ZNF84: variants seen among roughly 807,000 people sequenced by gnomAD.
ZNF84 encodes the protein zinc finger protein 84, also known as zinc finger protein HPF2.
ZNF84 carries 12 observed loss-of-function variants against 14.8 expected under a neutral mutation model. That is an observed-to-expected ratio of 0.81 (90% CI 0.52 to 1.31). The LOEUF is 1.31. Among genes scored for constraint, ZNF84 ranks in the 50% most tolerant of loss-of-function variants. The pLI is 0.00. For synonymous variants in ZNF84, 347 were observed against 291.1 expected (o/e 1.19, Z -1.96); for missense variants, 859 against 878.6 (o/e 0.98, Z 0.28).
intron 4 of ZNF84, among the ~76,000 whole-genome samples, chr12:133,055,581 A>T (rs1341394590): frequency 5.9e-5 from 9 of 152,166 alleles, no homozygotes; most frequent in South Asian, 2.1e-4. Context: ...AGAAATATTT[A>T]AAAAAAGAAT....
In ZNF84 at chr12:133,060,210, T is replaced by C. The variant is rs1273137901; in HGVS notation, c.*1278T>C. On this transcript the variant is annotated 3_prime_UTR_variant, in exon 5 of 5. Coordinates refer to ENST00000539354, the MANE Select transcript of ZNF84 (RefSeq NM_001289971.2). The stretch of plus-strand genomic sequence containing the variant: ...GTATCATGGATATTTTGTGCTGCTG[T>C]TATGCTTTTTGTGTTGCATAAAATA... 1 of 152,210 alleles carries C rather than the reference T, an allele frequency of 6.6e-6. No homozygotes were observed. The highest frequency in any genetic ancestry group is 1.5e-5 in the Non-Finnish European group (1 of 68,032). 9.4% of individuals were successfully genotyped at this position (152,210 alleles called of 1,614,324 possible).
Position 133,058,707 on chromosome 12 carries a change from C to T in ZNF84, c.1992C>T (p.Phe664=). The change falls in exon 5 of 5, where the codon TTC becomes TTT. Residue 664 remains phenylalanine, a synonymous_variant. Transcript: ENST00000539354. The part of the protein sequence containing the change: ...PFECSECGKA[F]SRKSHLIPHQ... The stretch of plus-strand genomic sequence containing the variant: ...AATGCAGTGAGTGTGGCAAAGCTTT[C>T]TCTCGGAAGTCACACCTTATACCAC... 6.2e-7 allele frequency: 1 copy of T among 1,613,728 alleles called. No homozygotes were observed. The highest frequency in any genetic ancestry group is 1.3e-5 in the African/African-American group (1 of 74,946).
At chr12:133,043,446 G>C (rs1953921283) in intron 2 of ZNF84, among the ~76,000 whole-genome samples, 2 of 152,198 alleles carry the variant, frequency 1.3e-5, no homozygotes, top group African/African-American at 4.8e-5. Flanking sequence ...GCCACTTACA[G>C]GTGTGAGCCA....
intron 1 of ZNF84, chr12:133,038,049 C>T (rs2137308822): frequency 6.6e-6 from 1 of 151,992 alleles, no homozygotes; most frequent in African/African-American, 2.4e-5. Context: ...GTGACTTTTG[C>T]TTTTGGTATG....
At chr12:133,037,828 CTCGGGCGCGTTT>C (rs1953812416) in intron 1 of ZNF84, 2 of 152,006 alleles carry the variant, frequency 1.3e-5, no homozygotes, top group Admixed American at 1.3e-4. Flanking sequence ...CGCGTTTAGC[CTCGGGCGCGTTT>C]AGCCTCGACC....
chr12:133,043,926 AT>A (rs61416327), intron 2 of ZNF84, among the ~76,000 whole-genome samples: 7,004 of 124,064 alleles, frequency 0.056, 476 homozygotes, highest in African/African-American at 0.17. Flanking sequence ...TAATTCTTGT[AT>A]TTTTTTTTTT....
In ZNF84 at chr12:133,058,511, A is replaced by G; in HGVS notation, c.1796A>G (p.Tyr599Cys). 6.2e-7 allele frequency: 1 copy of G among 1,614,182 alleles called. No individual in the cohort carries two copies. The highest frequency in any genetic ancestry group is 1.7e-5 in the Admixed American group (1 of 60,022). ...HQRIHTGEKP[Y>C]ECSLCRKAFF... ...AGAATTCACACTGGAGAGAAACCCT[A>G]TGAATGCAGTCTTTGTAGGAAAGCT... Residue 599 changes from tyrosine (Y) to cysteine (C), a missense_variant, in exon 5 of 5, where the codon TAT becomes TGT. Physicochemically the swap from Tyr to Cys is radical, Grantham distance 194. Coordinates refer to ENST00000539354, the MANE Select transcript of ZNF84 (RefSeq NM_001289971.2).
chr12:133,054,346 C>T (rs1403866578), intron 4 of ZNF84, among the ~76,000 whole-genome samples: 13 of 152,100 alleles, frequency 8.5e-5, no homozygotes, highest in Admixed American at 5.2e-4. Context: ...CACAACACTG[C>T]ACTTCAATAT....
chr12:133,056,675 C>CT (rs1954164613), intron 4 of ZNF84, among the ~76,000 whole-genome samples: 1 of 152,114 alleles, frequency 6.6e-6, no homozygotes, highest in African/African-American at 2.4e-5. Context: ...TTCTTCTAAC[C>CT]TTTTTTCTTT....
intron 4 of ZNF84, among the ~76,000 whole-genome samples, chr12:133,054,946 T>A (rs1954128681): frequency 6.6e-6 from 1 of 152,140 alleles, no homozygotes; most frequent in South Asian, 2.1e-4. Flanking sequence ...TTATTAAAAT[T>A]TATTTTTCTG....
chr12:133,044,289 C>T (rs1420307922), intron 2 of ZNF84, among the ~76,000 whole-genome samples: 1 of 151,220 alleles, frequency 6.6e-6, no homozygotes, highest in Non-Finnish European at 1.5e-5. Flanking sequence ...GGACTACAGG[C>T]ACCTACTACT....
chr12:133,037,567 CG>C (rs1278878034), intron 1 of ZNF84, 22 bp downstream of exon 1: 1 of 151,930 alleles, frequency 6.6e-6, no homozygotes, highest in East Asian at 1.9e-4. Context: ...GAGTTTATTG[CG>C]GGCCCGGCGC....
rs796823553 is a variant in ZNF84 at position 133,062,782 on chromosome 12, A to G, written c.*3850A>G. The G allele has an allele frequency of 2.0e-5, 7 of 350,684 alleles. No homozygotes were observed. The highest frequency in any genetic ancestry group is 1.0e-4 in the African/African-American group (5 of 48,886). 21.7% of individuals were successfully genotyped at this position (350,684 alleles called of 1,614,324 possible). On this transcript the variant is annotated 3_prime_UTR_variant, in exon 5 of 5. Coordinates refer to ENST00000539354, the MANE Select transcript of ZNF84 (RefSeq NM_001289971.2). Reference sequence around the variant, plus strand: ...CTTTTGTATAAACCAATGCCTATCTATCTATCATTTCTGAAAACTTTTTCC... The same window carrying G: ...CTTTTGTATAAACCAATGCCTATCTGTCTATCATTTCTGAAAACTTTTTCC...
chr12:133,058,416 A>C lies in ZNF84; in HGVS notation c.1701A>C (p.Gly567=). The C allele has an allele frequency of 6.2e-7, 1 of 1,614,062 alleles. No individual in the cohort carries two copies. Among genetic ancestry groups the C allele is most frequent in the Non-Finnish European group, 8.5e-7 (1 of 1,180,004 alleles). ...CAACTCATCAGAGAACTCATACTGG[A>C]GAAAAACCGTATGAATGCAGGGACT... is the stretch of plus-strand genomic sequence containing the variant. ...SLATHQRTHT[G]EKPYECRDCE... Residue 567 remains glycine, a synonymous_variant, in exon 5 of 5, where the codon GGA becomes GGC. Transcript: ENST00000539354.
rs894507698 is a variant in ZNF84, at chr12:133,059,257, G to C, written c.*325G>C. 1 of 392,420 alleles carries C rather than the reference G, an allele frequency of 2.5e-6. No homozygotes were observed. Among genetic ancestry groups the C allele is most frequent in the African/African-American group, 2.1e-5 (1 of 48,412 alleles). 24.3% of individuals were successfully genotyped at this position (392,420 alleles called of 1,614,324 possible). On this transcript the variant is annotated 3_prime_UTR_variant, in exon 5 of 5. Transcript: ENST00000539354. ...AGAAATATTCCCACTGGGGATGAGG[G>C]AAAACCCCATGAATGCGGGAAATGA...
chr12:133,044,975 A>G, intron 2 of ZNF84, among the ~76,000 whole-genome samples: 1 of 152,124 alleles, frequency 6.6e-6, no homozygotes, highest in Non-Finnish European at 1.5e-5. Flanking sequence ...ATAAGTTTGT[A>G]ATATCTTTTT....
In ZNF84 at chr12:133,048,745, C is replaced by A; in HGVS notation, c.143-8C>A. The stretch of plus-strand genomic sequence containing the variant: ...GGCCCAAGGCCTTTGTGATTTTTCC[C>A]TTAACAGGGTATGAAGTTATGAAAC... On this transcript the variant is annotated splice_polypyrimidine_tract_variant and splice_region_variant and intron_variant, in intron 3 of 4. Coordinates refer to ENST00000539354, the MANE Select transcript of ZNF84 (RefSeq NM_001289971.2). 2 of 1,612,606 alleles carry A rather than the reference C, an allele frequency of 1.2e-6. No individual in the cohort carries two copies. Among genetic ancestry groups the A allele is most frequent in the South Asian group, 2.2e-5 (2 of 90,912 alleles).
chr12:133,038,464 G>C (rs1953827915), intron 1 of ZNF84, among the ~76,000 whole-genome samples: 1 of 151,896 alleles, frequency 6.6e-6, no homozygotes, highest in Non-Finnish European at 1.5e-5. Context: ...TGTAGGTTGA[G>C]GTAGGAGGAT....
rs1350281249 is a variant in ZNF84, at chr12:133,043,169, T to C, written c.15+1687T>C. On this transcript the variant is annotated intron_variant, in intron 2 of 4. Coordinates refer to ENST00000539354, the MANE Select transcript of ZNF84 (RefSeq NM_001289971.2). ...ACTGCAGTCCTTCCCCCAGTTGAGG[T>C]GGCTTCTTTATTTTTTATTTTTTTT... Among the ~76,000 whole-genome samples the C allele has an allele frequency of 1.5e-4, 23 of 152,174 alleles. 1 individual carries two copies. The highest frequency in any genetic ancestry group is 7.2e-4 in the Admixed American group (11 of 15,270).
Sources: gnomAD v4.1 joint callset for allele counts (sites outside exome capture counted in the v4.1 genomes callset) on GRCh38, gnomAD v4.1.1 for gene constraint, MANE v1.5 for transcripts, NCBI Gene and HGNC (gene_info 2026-07-23, HGNC 2026-07-21) for gene names.